UGT1A8: variants seen among roughly 807,000 people sequenced by gnomAD.
The protein encoded by UGT1A8 is UDP glucuronosyltransferase family 1 member A8.
UGT1A8 carries 39 observed loss-of-function variants against 45.3 expected under a neutral mutation model. That is an observed-to-expected ratio of 0.86 (90% CI 0.67 to 1.12). UGT1A8 has a LOEUF of 1.12. Among genes scored for constraint, UGT1A8 ranks in the 50% most tolerant of loss-of-function variants. The pLI, the probability that UGT1A8 is intolerant of heterozygous loss-of-function variation, is 0.00. For missense variants in UGT1A8, 719 were observed against 664.9 expected, an observed-to-expected ratio of 1.08 and a Z score of -0.90; for synonymous variants, 275 against 249.2, an observed-to-expected ratio of 1.10 and a Z score of -0.97.
chr2:233,769,591 A>G lies in UGT1A8; in HGVS notation c.1295+1152A>G. ...CTGGAGCATGTTCAGATGAGAGGAGACGGAACACGGGGACACACCAGCTTG... is the reference window on the plus strand; with the variant it reads ...CTGGAGCATGTTCAGATGAGAGGAGGCGGAACACGGGGACACACCAGCTTG... On this transcript the variant is annotated intron_variant, in intron 4 of 4. Transcript: ENST00000373450. The surrounding 1 kb of genome is among the most constrained non-coding windows in gnomAD (Gnocchi z 4.4). The G allele has an allele frequency of 6.2e-7, 1 of 1,612,772 alleles. No individual in the cohort carries two copies. The highest frequency in any genetic ancestry group is 8.5e-7 in the Non-Finnish European group (1 of 1,179,866).
intron 1 of UGT1A8, chr2:233,721,756 A>G (rs2076969655): frequency 2.2e-6 from 1 of 460,672 alleles, no homozygotes. Flanking sequence ...ATCTACATCT[A>G]AATTGTTATA....
intron 1 of UGT1A8, among the ~76,000 whole-genome samples, chr2:233,724,206 A>T (rs2077188856): frequency 1.7e-5 from 2 of 117,190 alleles, no homozygotes; most frequent in African/African-American, 3.7e-5. Flanking sequence ...GGCCGGGCTG[A>T]GGGGCTCCTC....
chr2:233,725,861 T>C (rs1225689926), intron 1 of UGT1A8, among the ~76,000 whole-genome samples: 2 of 152,194 alleles, frequency 1.3e-5, no homozygotes, highest in East Asian at 1.9e-4. Context: ...ATTCCCCATC[T>C]CTTTTAATTT....
chr2:233,724,868 A>G (rs2077326102), intron 1 of UGT1A8, among the ~76,000 whole-genome samples: 1 of 128,220 alleles, frequency 7.8e-6, no homozygotes, highest in African/African-American at 3.4e-5. Flanking sequence ...TGTAGGTTGT[A>G]GTGAGCGGAG....
At position 233,626,239 on chromosome 2, in the gene UGT1A8, G is replaced by T. The variant is rs575229725; in HGVS notation, c.855+7677G>T. Among the ~76,000 whole-genome samples, 20 of 152,100 alleles carry T rather than the reference G, an allele frequency of 1.3e-4. No homozygotes were observed. In the East Asian group the frequency reaches 3.3e-3, roughly 25 times the overall value. ...TTCAGTGCCCATAAGGGTTCATGTT[G>T]TAATAGAAGTCAATAGCAGTCTTAA... On this transcript the variant is annotated intron_variant, in intron 1 of 4. Transcript: ENST00000373450.
At chr2:233,658,768 A>G (rs537748579) in intron 1 of UGT1A8, among the ~76,000 whole-genome samples, 1 of 152,322 alleles carries the variant, frequency 6.6e-6, no homozygotes, top group South Asian at 2.1e-4. Flanking sequence ...ACTTTTGTAA[A>G]AACTTGGTTG....
chr2:233,691,794 T>C (rs1414888702), intron 1 of UGT1A8: 1 of 237,524 alleles, frequency 4.2e-6, no homozygotes, highest in Non-Finnish European at 6.8e-6. Flanking sequence ...GCTAGACTTA[T>C]ACTTCTCAAA....
At chr2:233,754,750 A>G in intron 1 of UGT1A8, 1 of 810,338 alleles carries the variant, frequency 1.2e-6, no homozygotes, top group Non-Finnish European at 1.9e-6. Context: ...ATGCAGAAGG[A>G]AGAAAGGCCC....
At chr2:233,732,357 TC>T (rs2078264075) in intron 1 of UGT1A8, among the ~76,000 whole-genome samples, 1 of 152,282 alleles carries the variant, frequency 6.6e-6, no homozygotes, top group South Asian at 2.1e-4. Flanking sequence ...AGTCATGAAG[TC>T]CTGGCCCATG....
At chr2:233,713,122 T>A (rs2076280431) in intron 1 of UGT1A8, 1 of 1,614,100 alleles carries the variant, frequency 6.2e-7, no homozygotes, top group South Asian at 1.1e-5. Context: ...TGGCTCAGCA[T>A]GCGGGAGGCC....
intron 1 of UGT1A8, among the ~76,000 whole-genome samples, chr2:233,717,257 G>A (rs1281570889): frequency 6.6e-6 from 1 of 152,168 alleles, no homozygotes; most frequent in Non-Finnish European, 1.5e-5. Context: ...TAAGGGGGTT[G>A]GAGGAATAGT....
intron 1 of UGT1A8, chr2:233,738,921 G>A (rs1476491765): frequency 6.6e-6 from 1 of 152,268 alleles, no homozygotes; most frequent in Non-Finnish European, 1.5e-5. Flanking sequence ...CAGGCCTGGA[G>A]GCCTAGGAAG....
At chr2:233,643,030 A>G (rs748681630) in intron 1 of UGT1A8, among the ~76,000 whole-genome samples, 20 of 152,290 alleles carry the variant, frequency 1.3e-4, no homozygotes, top group Non-Finnish European at 2.1e-4. Context: ...GTCTCACCCA[A>G]GGCCTGCTGT....
intron 1 of UGT1A8, among the ~76,000 whole-genome samples, chr2:233,633,074 G>T (rs1426254340): frequency 6.6e-6 from 1 of 151,648 alleles, no homozygotes; most frequent in South Asian, 2.1e-4. Flanking sequence ...TAATCATGTG[G>T]TTTTTGTCAT....
intron 1 of UGT1A8, chr2:233,713,604 A>G (rs1179770710): frequency 6.2e-7 from 1 of 1,613,926 alleles, no homozygotes; most frequent in South Asian, 1.1e-5. Flanking sequence ...TTCAGACCAC[A>G]TGACATTCCT....
At chr2:233,719,976 C>T (rs771566532) in intron 1 of UGT1A8, among the ~76,000 whole-genome samples, 2 of 152,122 alleles carry the variant, frequency 1.3e-5, no homozygotes, top group African/African-American at 2.4e-5. Flanking sequence ...TCCTTCAGCT[C>T]GGCAGGATCA....
intron 1 of UGT1A8, among the ~76,000 whole-genome samples, chr2:233,745,781 C>T (rs1693207389): frequency 6.7e-6 from 1 of 150,162 alleles, no homozygotes; most frequent in Non-Finnish European, 1.5e-5. Context: ...TGAGCTTAGA[C>T]AGGGGGGCTG....
chr2:233,689,454 T>G (rs919353618), intron 1 of UGT1A8, among the ~76,000 whole-genome samples: 5 of 152,208 alleles, frequency 3.3e-5, no homozygotes, highest in Non-Finnish European at 7.3e-5. Flanking sequence ...CAAGGATACA[T>G]TTTAGGAAAA....
At chr2:233,743,230 T>A (rs751434159) in intron 1 of UGT1A8, 5 of 416,618 alleles carry the variant, frequency 1.2e-5, no homozygotes, top group Non-Finnish European at 2.4e-5. Flanking sequence ...TGCTATTTAT[T>A]ATGAAGGACT....
Sources: allele counts gnomAD v4.1 joint callset (sites outside exome capture counted in the v4.1 genomes callset), GRCh38; gene constraint gnomAD v4.1.1; non-coding constraint Gnocchi (gnomAD v3.1); transcripts MANE v1.5; gene names NCBI Gene and HGNC (gene_info 2026-07-23, HGNC 2026-07-21).